Variants in CALN1 observed in about 807,000 individuals in gnomAD.
CALN1 encodes calcium-binding protein 8.
In CALN1, 17 loss-of-function variants were observed where a neutral mutation model predicts 30.6. The observed-to-expected ratio is 0.56, with a 90% confidence interval of 0.38 to 0.83. The LOEUF (loss-of-function observed/expected upper bound fraction) is 0.83, where lower values mean the gene tolerates loss of function less well. Ranked by LOEUF, CALN1 falls within the 40% of genes least tolerant of loss-of-function variation. CALN1 has a pLI of 0.00. For missense variants in CALN1, 291 were observed against 354.9 expected, an observed-to-expected ratio of 0.82 and a Z score of 1.45; for synonymous variants, 156 against 131.4, an observed-to-expected ratio of 1.19 and a Z score of -1.28.
At chr7:72,364,844 T>C (rs1585586996) in intron 2 of CALN1, among the ~76,000 whole-genome samples, 1 of 152,146 alleles carries the variant, frequency 6.6e-6, no homozygotes, top group Non-Finnish European at 1.5e-5. Context: ...AGATCAGCCT[T>C]GCCAACATAG....
At chr7:72,126,294 T>C (rs1808761137) in intron 3 of CALN1, among the ~76,000 whole-genome samples, 1 of 152,182 alleles carries the variant, frequency 6.6e-6, no homozygotes, top group South Asian at 2.1e-4. Flanking sequence ...ATACCACATT[T>C]TCTTTATCCA....
In CALN1 at chr7:72,040,322, AT is replaced by A. The variant is rs1302912411; in HGVS notation, c.389-16554del. On this transcript the variant is annotated intron_variant, in intron 4 of 6. Coordinates refer to ENST00000395275, the MANE Select transcript of CALN1 (RefSeq NM_031468.4). ...AGAGCTCATCCTTACAAAAATTACAATAAAAAAAAAAAAATAGCCAGCTGTG... is the reference window on the plus strand; with the variant it reads ...AGAGCTCATCCTTACAAAAATTACAAAAAAAAAAAAAAATAGCCAGCTGTG... Among the ~76,000 whole-genome samples the A allele has an allele frequency of 2.9e-3, 394 of 135,770 alleles. 5 individuals are homozygous for A. Among genetic ancestry groups the A allele is most frequent in the South Asian group, 0.028 (122 of 4,424 alleles). 89.1% of individuals were successfully genotyped at this position (135,770 alleles called of 152,430 possible).
chr7:72,373,807 C>T (rs369993055), intron 2 of CALN1, among the ~76,000 whole-genome samples: 4 of 152,110 alleles, frequency 2.6e-5, no homozygotes, highest in African/African-American at 9.7e-5. Flanking sequence ...CCAAGAAACT[C>T]ACATGAAGAC....
intron 5 of CALN1, among the ~76,000 whole-genome samples, chr7:71,843,372 G>A (rs983039936): frequency 2.6e-5 from 4 of 152,042 alleles, no homozygotes; most frequent in African/African-American, 4.8e-5. Flanking sequence ...TAATCCTAGC[G>A]CCTTGGGAGG....
intron 1 of CALN1, among the ~76,000 whole-genome samples, chr7:72,409,480 G>A (rs1423519612): frequency 2.7e-5 from 4 of 145,978 alleles, no homozygotes; most frequent in South Asian, 2.4e-4. Context: ...GAGGAAGGAG[G>A]CATATGGATA....
At chr7:72,284,987 T>C (rs1011662685) in intron 2 of CALN1, among the ~76,000 whole-genome samples, 2 of 152,050 alleles carry the variant, frequency 1.3e-5, no homozygotes, top group Admixed American at 6.5e-5. Context: ...AGGGTATTAT[T>C]ATTATTCTGA....
intron 5 of CALN1, among the ~76,000 whole-genome samples, chr7:71,882,059 C>T (rs1792603369): frequency 6.6e-6 from 1 of 151,968 alleles, no homozygotes; most frequent in Admixed American, 6.6e-5. Flanking sequence ...AGAGTCAGAC[C>T]CTGTCTCTTA....
intron 2 of CALN1, among the ~76,000 whole-genome samples, chr7:72,290,945 CAG>C (rs1245213374): frequency 6.9e-6 from 1 of 144,802 alleles, no homozygotes; most frequent in East Asian, 2.1e-4. Context: ...TTTTTTGAGA[CAG>C]AGATCTCACT....
At chr7:71,972,092 A>T (rs1797876620) in intron 5 of CALN1, among the ~76,000 whole-genome samples, 1 of 152,158 alleles carries the variant, frequency 6.6e-6, no homozygotes. Flanking sequence ...AAAGAGGTGA[A>T]TACGGACGTA....
intron 5 of CALN1, among the ~76,000 whole-genome samples, chr7:71,835,173 G>A (rs1329169014): frequency 6.6e-6 from 1 of 152,134 alleles, no homozygotes; most frequent in Non-Finnish European, 1.5e-5. Context: ...TCACAAACAC[G>A]GCACTTGCCT....
At position 72,005,651 on chromosome 7, in the gene CALN1, A is replaced by G. The variant is rs191899164; in HGVS notation, c.501+18006T>C. On this transcript the variant is annotated intron_variant, in intron 5 of 6. Coordinates refer to ENST00000395275, the MANE Select transcript of CALN1 (RefSeq NM_031468.4). ...CTGGCCCAGAGCAAATTATTGATAC[A>G]ACAATTTGAATGAATCTCAAGCATA... Among the ~76,000 whole-genome samples, 971 of 152,264 alleles carry G rather than the reference A, an allele frequency of 6.4e-3. 10 individuals are homozygous for G. Among genetic ancestry groups the G allele is most frequent in the African/African-American group, 0.022 (932 of 41,532 alleles).
intron 4 of CALN1, among the ~76,000 whole-genome samples, chr7:72,069,573 T>G (rs844753): frequency 0.5 from 76,388 of 151,800 alleles, 19,591 homozygotes; most frequent in East Asian, 0.66. Flanking sequence ...AAGGCCTTCT[T>G]TTCTCTGTGT....
intron 3 of CALN1, among the ~76,000 whole-genome samples, chr7:72,164,349 CA>C (rs71531792): frequency 0.39 from 45,511 of 117,136 alleles, 9,242 homozygotes; most frequent in East Asian, 0.9. Context: ...AACACTCCGT[CA>C]AAAAAAAAAA....
chr7:71,971,954 AAAGAAAGAAAGAAAG>A (rs1562946599), intron 5 of CALN1, among the ~76,000 whole-genome samples: 1 of 54,510 alleles, frequency 1.8e-5, no homozygotes, highest in African/African-American at 6.9e-5. Flanking sequence ...AAAAAAAAAA[AAAGAAAGAAAGAAAG>A]AAAGAAAGAA....
At chr7:72,348,795 G>A (rs1461834255) in intron 2 of CALN1, among the ~76,000 whole-genome samples, 1 of 152,176 alleles carries the variant, frequency 6.6e-6, no homozygotes, top group Non-Finnish European at 1.5e-5. Context: ...AATGGATCAA[G>A]GTGATTCCCA....
chr7:72,289,889 G>A (rs1173905109), intron 2 of CALN1, among the ~76,000 whole-genome samples: 3 of 151,772 alleles, frequency 2.0e-5, no homozygotes, highest in Non-Finnish European at 2.9e-5. Context: ...GACCAGCTGG[G>A]CAACATAGCA....
At chr7:71,816,063 T>C (rs1156435649) in intron 5 of CALN1, among the ~76,000 whole-genome samples, 1 of 149,996 alleles carries the variant, frequency 6.7e-6, no homozygotes, top group African/African-American at 2.5e-5. Flanking sequence ...ACAGAGAGAG[T>C]CTTGCTATGT....
chr7:72,400,577 G>A (rs1348981767), intron 2 of CALN1, among the ~76,000 whole-genome samples: 4 of 152,180 alleles, frequency 2.6e-5, no homozygotes, highest in Non-Finnish European at 5.9e-5. Context: ...GCGAGATTAA[G>A]AAGGAATCAA....
intron 3 of CALN1, among the ~76,000 whole-genome samples, chr7:72,150,127 CA>C (rs61261132): frequency 0.043 from 5,838 of 137,048 alleles, 295 homozygotes; most frequent in African/African-American, 0.13. Flanking sequence ...AACTCCATCT[CA>C]AAAAAAAAAA....
Sources: allele counts gnomAD v4.1 joint callset (sites outside exome capture counted in the v4.1 genomes callset), GRCh38; gene constraint gnomAD v4.1.1; transcripts MANE v1.5; gene names NCBI Gene and HGNC (gene_info 2026-07-23, HGNC 2026-07-21).